The following ADGRD2 variants were observed in gnomAD, a reference collection of about 807,000 sequenced individuals.
The protein encoded by ADGRD2 is G protein-coupled receptor PGR24.
Under a neutral mutation model 44.4 loss-of-function variants are expected in ADGRD2, and 71 were observed. The ratio of observed to expected loss-of-function variants is 1.60; its 90% CI spans 1.32 to 1.95. The LOEUF (loss-of-function observed/expected upper bound fraction) is 1.95, where lower values mean the gene tolerates loss of function less well. ADGRD2 is among the 30% of genes most tolerant of loss of function. The pLI is 0.00. For synonymous variants in ADGRD2, 481 were observed against 224.8 expected, an observed-to-expected ratio of 2.14 and a Z score of -10.19; for missense variants, 1,039 against 512.4, an observed-to-expected ratio of 2.03 and a Z score of -9.92.
At chr9:124,463,426 A>G (rs920204508) in intron 10 of ADGRD2, among the ~76,000 whole-genome samples, 27 of 152,278 alleles carry the variant, frequency 1.8e-4, no homozygotes, top group African/African-American at 6.5e-4. Flanking sequence ...GTTCATGAAT[A>G]ATGTGTTCTG....
At chr9:124,462,082 G>A (rs1235234193) in intron 10 of ADGRD2, among the ~76,000 whole-genome samples, 1 of 151,396 alleles carries the variant, frequency 6.6e-6, no homozygotes, top group Non-Finnish European at 1.5e-5. Flanking sequence ...TTTTGAGACA[G>A]GGTCTCATTT....
chr9:124,469,472 T>C, exon 16 of ADGRD2: 2 of 718,114 alleles, frequency 2.8e-6, no homozygotes, highest in Non-Finnish European at 5.2e-6. Context: ...ATGATCACCG[T>C]GTCCAGTGCC....
At chr9:124,469,603 G>T (rs978067130) in intron 16 of ADGRD2, 56 bp downstream of exon 19, 1 of 708,488 alleles carries the variant, frequency 1.4e-6, no homozygotes, top group Non-Finnish European at 2.6e-6. Flanking sequence ...GTCAGCCGGC[G>T]CCAGGCGTGA....
chr9:124,469,426 C>T lies in ADGRD2; in HGVS notation c.2522-6C>T. 1.4e-6 allele frequency: 1 copy of T among 718,202 alleles called. No individual in the cohort carries two copies. Among genetic ancestry groups the T allele is most frequent in the Admixed American group, 2.0e-5 (1 of 50,026 alleles). 44.5% of individuals were successfully genotyped at this position (718,202 alleles called of 1,614,324 possible). A position where few individuals can be genotyped will look rare whatever the true frequency, so the allele number is the denominator to read the frequency against. ...GTCCTCTTGCCCACTGACCCCAGGTCTCCAGGCCAACACCTGCATCCTGGC... is the reference window on the plus strand; with the variant it reads ...GTCCTCTTGCCCACTGACCCCAGGTTTCCAGGCCAACACCTGCATCCTGGC... On this transcript the variant is annotated splice_region_variant and splice_polypyrimidine_tract_variant and intron_variant, in intron 15 of 21. Coordinates refer to ENST00000334810, the Ensembl canonical transcript of ADGRD2.
chr9:124,467,613 G>A, intron 11 of ADGRD2, 108 bp from the exon 15 acceptor site: 1 of 668,534 alleles, frequency 1.5e-6, no homozygotes, highest in Non-Finnish European at 2.7e-6. Context: ...CTGCTGCACT[G>A]TGGAGGCGAA....
At chr9:124,460,957 G>A (rs1468563223) in intron 10 of ADGRD2, among the ~76,000 whole-genome samples, 1 of 152,106 alleles carries the variant, frequency 6.6e-6, no homozygotes, top group Non-Finnish European at 1.5e-5. Flanking sequence ...CCACACCTCT[G>A]CCAACATCCT....
chr9:124,458,189 A>G (rs1177776997), exon 9 of ADGRD2: 1 of 718,506 alleles, frequency 1.4e-6, no homozygotes, highest in Non-Finnish European at 2.6e-6. Flanking sequence ...GACCGGACCT[A>G]GAGCCCCAGG....
chr9:124,464,772 G>A (rs1356624889), intron 10 of ADGRD2, among the ~76,000 whole-genome samples: 2 of 98,806 alleles, frequency 2.0e-5, no homozygotes, highest in African/African-American at 6.8e-5. Flanking sequence ...CTACTGTTAA[G>A]TTCACTGCAT....
At chr9:124,459,110 T>A (rs1831675663) in intron 10 of ADGRD2, among the ~76,000 whole-genome samples, 1 of 152,210 alleles carries the variant, frequency 6.6e-6, no homozygotes, top group African/African-American at 2.4e-5. Context: ...ATTCACTCAC[T>A]GCAGTGTGTG....
At chr9:124,474,013 C>G (rs190543099) in intron 17 of ADGRD2, among the ~76,000 whole-genome samples, 1 of 151,968 alleles carries the variant, frequency 6.6e-6, no homozygotes, top group Non-Finnish European at 1.5e-5. Context: ...TGGTGGCTCA[C>G]GCCTGTAATC....
At chr9:124,452,614 T>C (rs1831507396) in exon 2 of ADGRD2, 1 of 718,242 alleles carries the variant, frequency 1.4e-6, no homozygotes, top group Admixed American at 2.0e-5. Flanking sequence ...CGAGCAGCAG[T>C]TTGGCCACTT....
At chr9:124,460,309 T>C (rs1362734837) in intron 10 of ADGRD2, among the ~76,000 whole-genome samples, 1 of 151,274 alleles carries the variant, frequency 6.6e-6, no homozygotes, top group Non-Finnish European at 1.5e-5. Context: ...TCCAAGCCAT[T>C]CTCCTGCCTC....
chr9:124,469,305 C>T, exon 15 of ADGRD2: 1 of 718,270 alleles, frequency 1.4e-6, no homozygotes, highest in Non-Finnish European at 2.6e-6. Context: ...GCTCAATGTG[C>T]ACACAAATGC....
At chr9:124,452,927 G>A (rs1281673100) in intron 2 of ADGRD2, 108 bp from the exon 6 acceptor site, 2 of 604,652 alleles carry the variant, frequency 3.3e-6, no homozygotes, top group Non-Finnish European at 5.9e-6. Flanking sequence ...TCCCGAGGTG[G>A]GGAGGCATCC....
exon 3 of ADGRD2, chr9:124,453,102 C>A: frequency 1.4e-6 from 1 of 698,854 alleles, no homozygotes; most frequent in South Asian, 1.5e-5. Flanking sequence ...GGCTGCGGAG[C>A]CCTCTGCCTG....
rs900441454 is a variant in ADGRD2, at chr9:124,457,969, C to A, written c.1641-144C>A. On this transcript the variant is annotated intron_variant, in intron 8 of 21. Transcript: ENST00000334810. ...GAATTTTGGCTCTTCCACTTCTTAG[C>A]TGTGTGATCTTAGGGAAGTCAGTTT... The A allele has an allele frequency of 4.8e-6, 3 of 624,770 alleles. No homozygotes were observed. The African/African-American group carries it at 5.5e-5, about 11-fold the overall frequency. 38.7% of individuals were successfully genotyped at this position (624,770 alleles called of 1,614,324 possible).
chr9:124,457,580 G>A (rs757293552), exon 8 of ADGRD2: 7 of 671,210 alleles, frequency 1.0e-5, no homozygotes, highest in South Asian at 1.6e-5. Context: ...ATTCCTGCGA[G>A]TGAAGTGAGG....
rs1331143517 is a variant in ADGRD2 at position 124,458,138 on chromosome 9, C to T, written c.1668C>T (p.His556=). 2.1e-5 allele frequency: 15 copies of T among 718,440 alleles called. No individual in the cohort carries two copies. In the Middle Eastern group the frequency reaches 6.8e-4, roughly 33 times the overall value. 44.5% of individuals were successfully genotyped at this position (718,440 alleles called of 1,614,324 possible). A position where few individuals can be genotyped will look rare whatever the true frequency, so the allele number is the denominator to read the frequency against. Residue 556 remains histidine (H), a synonymous_variant, in exon 9 of 22, where the codon CAC becomes CAT. Coordinates refer to ENST00000334810, the Ensembl canonical transcript of ADGRD2. ...GCCTCTCTGGAGTCACCGTGATCCACAGCTGGTTCACCTCCAGAGTCTTCC... is the reference window on the plus strand; with the variant it reads ...GCCTCTCTGGAGTCACCGTGATCCATAGCTGGTTCACCTCCAGAGTCTTCC...
At chr9:124,468,291 TCCACTTCCCTG>T in intron 13 of ADGRD2, 101 bp downstream of exon 16, 1 of 701,662 alleles carries the variant, frequency 1.4e-6, no homozygotes, top group Admixed American at 2.0e-5. Context: ...TTCACATGGC[TCCACTTCCCTG>T]GGGAGGAGCA....
Sources: gnomAD v4.1 joint callset for allele counts (sites outside exome capture counted in the v4.1 genomes callset) on GRCh38, gnomAD v4.1.1 for gene constraint, MANE v1.5 for transcripts, NCBI Gene and HGNC (gene_info 2026-07-23, HGNC 2026-07-21) for gene names.